The following YY1AP1 variants were observed in gnomAD, a reference collection of about 807,000 sequenced individuals.
YY1AP1 encodes the protein YY1 associated protein 1.
A neutral mutation model predicts 39.9 loss-of-function variants in YY1AP1; 43 were observed. The ratio of observed to expected loss-of-function variants is 1.08; its 90% CI spans 0.84 to 1.39. The LOEUF is 1.39. Ranked by LOEUF, YY1AP1 falls within the 40% of genes most tolerant of loss-of-function variation. The pLI is 0.00. For missense variants in YY1AP1, 813 were observed against 900.7 expected, an observed-to-expected ratio of 0.90 and a Z score of 1.25; for synonymous variants, 292 against 331.3, an observed-to-expected ratio of 0.88 and a Z score of 1.29.
chr1:155,687,882 C>T (rs1652726529), intron 2 of YY1AP1, 189 bp downstream of exon 2: 1 of 612,698 alleles, frequency 1.6e-6, no homozygotes, highest in Non-Finnish European at 2.7e-6. Flanking sequence ...CAGGGACACC[C>T]CTTCACCCCG....
chr1:155,670,675 C>CTTT (rs58881636), intron 7 of YY1AP1: 196 of 325,928 alleles, frequency 6.0e-4, no homozygotes, highest in African/African-American at 1.1e-3. Flanking sequence ...TAAAAGTTGA[C>CTTT]TTTTTTTTTT....
chr1:155,679,074 A>C, intron 4 of YY1AP1: 1 of 1,202,276 alleles, frequency 8.3e-7, no homozygotes, highest in Non-Finnish European at 1.1e-6. Context: ...AAAAGAACAA[A>C]AGGGACAGAC....
At chr1:155,661,446 T>C (rs755765532) in intron 9 of YY1AP1, 23 bp from the exon 10 acceptor site, 2 of 1,613,488 alleles carry the variant, frequency 1.2e-6, no homozygotes, top group South Asian at 1.1e-5. Flanking sequence ...AAAATGCGCA[T>C]GAATTACATT....
At position 155,688,645 on chromosome 1, in the gene YY1AP1, G is replaced by A; in HGVS notation, c.-152+14C>T. 2.6e-6 allele frequency: 4 copies of A among 1,534,168 alleles called. No individual in the cohort carries two copies. The highest frequency in any genetic ancestry group is 3.5e-6 in the Non-Finnish European group (4 of 1,146,472). The stretch of plus-strand genomic sequence containing the variant: ...CCCTGTCAAGCCGGCTCCAGCGCAG[G>A]CCCTCACGCGTACCTTCAGCGGCGC... On this transcript the variant is annotated intron_variant, in intron 1 of 10. Transcript: ENST00000355499.
chr1:155,688,963 G>T, upstream of YY1AP1: 1 of 1,605,852 alleles, frequency 6.2e-7, no homozygotes, highest in Non-Finnish European at 8.5e-7. Flanking sequence ...GCTGCGGCTC[G>T]CCTCCTCCTC....
intron 9 of YY1AP1, among the ~76,000 whole-genome samples, chr1:155,666,237 T>A (rs1425301116): frequency 6.6e-6 from 1 of 151,978 alleles, no homozygotes; most frequent in Non-Finnish European, 1.5e-5. Context: ...TTCTCCTGCC[T>A]CAGCCTCCCG....
intron 2 of YY1AP1, among the ~76,000 whole-genome samples, chr1:155,686,209 G>T (rs1439200542): frequency 6.6e-6 from 1 of 151,520 alleles, no homozygotes; most frequent in Non-Finnish European, 1.5e-5. Context: ...CTAATTTTTT[G>T]TATTTTTAGT....
intron 7 of YY1AP1, chr1:155,672,138 C>T (rs1649950239): frequency 7.3e-6 from 2 of 274,058 alleles, no homozygotes; most frequent in Non-Finnish European, 1.4e-5. Context: ...ATCACCTATG[C>T]TACAATCATT....
chr1:155,665,640 T>C (rs1648875500), intron 9 of YY1AP1, among the ~76,000 whole-genome samples: 1 of 149,742 alleles, frequency 6.7e-6, no homozygotes, highest in Non-Finnish European at 1.5e-5. Context: ...AGGCCAGGCG[T>C]GGTGTCTCAC....
intron 3 of YY1AP1, 177 bp from the exon 4 acceptor site, chr1:155,679,689 C>A (rs1651250115): frequency 2.0e-6 from 2 of 985,392 alleles, no homozygotes; most frequent in Non-Finnish European, 2.4e-6. Context: ...TATGGAATGA[C>A]TATTATGCCA....
At chr1:155,664,054 G>A (rs918585075) in intron 9 of YY1AP1, among the ~76,000 whole-genome samples, 6 of 150,950 alleles carry the variant, frequency 4.0e-5, no homozygotes, top group East Asian at 1.9e-4. Context: ...GGTGCACACC[G>A]GGTTGGAGAC....
chr1:155,686,207 T>A (rs1238666889), intron 2 of YY1AP1, among the ~76,000 whole-genome samples: 2 of 151,796 alleles, frequency 1.3e-5, no homozygotes, highest in Non-Finnish European at 2.9e-5. Context: ...GGCTAATTTT[T>A]TGTATTTTTA....
Position 155,675,024 on chromosome 1 carries a change from T to C in YY1AP1, c.397A>G (p.Thr133Ala), listed in dbSNP as rs527350721. The change falls in exon 6 of 11, where the codon ACC becomes GCC. Residue 133 changes from threonine to alanine, a missense_variant. By Grantham distance (58) the Thr-to-Ala change is moderately conservative (BLOSUM62 0). Transcript: ENST00000355499. ...TGGAAACTTACAAGACATATCCTGG[T>C]GCTACTGGCCTCCGGATTGAGATTG... is the stretch of plus-strand genomic sequence containing the variant. ...NPNLNPEASS[T>A]RICLKELGTF... The C allele has an allele frequency of 6.2e-7, 1 of 1,613,552 alleles. No homozygotes were observed. The highest frequency in any genetic ancestry group is 1.3e-5 in the African/African-American group (1 of 75,022).
chr1:155,676,469 G>T, intron 5 of YY1AP1, 79 bp downstream of exon 5: 1 of 1,540,310 alleles, frequency 6.5e-7, no homozygotes, highest in Non-Finnish European at 8.9e-7. Flanking sequence ...TTACAAAGCT[G>T]CTAATTTTAG....
intron 9 of YY1AP1, among the ~76,000 whole-genome samples, chr1:155,664,768 ATTTT>A (rs576047659): frequency 7.3e-6 from 1 of 137,820 alleles, no homozygotes; most frequent in African/African-American, 2.7e-5. Context: ...ATGAATGGAG[ATTTT>A]TTTTTTTTTT....
Position 155,668,715 on chromosome 1 carries a change from T to C in YY1AP1, c.791A>G (p.Lys264Arg). Reference protein sequence around the residue: ...GTEFLNPLISKYLLTCKTARQ... With the variant: ...GTEFLNPLISRYLLTCKTARQ... ...GGCAGTCTTGCAGGTTAGAAGGTAC[T>C]TGCTGATTAGAGGGTTAAGAAACTC... The change falls in exon 9 of 11, where the codon AAG becomes AGG. Residue 264 changes from lysine (K) to arginine (R), a missense_variant. By Grantham distance (26) the Lys-to-Arg change is conservative. This residue lies in a region of YY1AP1 where 586 missense variants were observed against 647.4 expected (regional missense o/e 0.91). Coordinates refer to ENST00000355499, the MANE Select transcript of YY1AP1 (RefSeq NM_139119.3). The C allele has an allele frequency of 1.2e-6, 2 of 1,614,196 alleles. No individual in the cohort carries two copies. The highest frequency in any genetic ancestry group is 1.7e-6 in the Non-Finnish European group (2 of 1,180,026).
chr1:155,668,917 G>T, intron 8 of YY1AP1, 140 bp from the exon 9 acceptor site: 1 of 1,265,022 alleles, frequency 7.9e-7, no homozygotes, highest in Non-Finnish European at 1.1e-6. Context: ...GGGCTGGAGT[G>T]CAGTGGCGTG....
At chr1:155,688,960 C>A, upstream of YY1AP1, 1 of 1,610,908 alleles carries the variant, frequency 6.2e-7, no homozygotes, top group East Asian at 2.2e-5. Context: ...GGCGCTGCGG[C>A]TCGCCTCCTC....
intron 1 of YY1AP1, chr1:155,688,422 G>A: frequency 6.5e-7 from 1 of 1,546,170 alleles, no homozygotes. Flanking sequence ...CTCCCTCCTC[G>A]CGTTCTTCCC....
Sources: gnomAD v4.1 joint callset for allele counts (sites outside exome capture counted in the v4.1 genomes callset) on GRCh38, gnomAD v4.1.1 for gene constraint, gnomAD v4.1.1 regional missense constraint, MANE v1.5 for transcripts, NCBI Gene and HGNC (gene_info 2026-07-23, HGNC 2026-07-21) for gene names.